Variants in PRKG1 observed in about 807,000 individuals in gnomAD.
PRKG1 encodes protein kinase cGMP-dependent 1.
A neutral mutation model predicts 88.1 loss-of-function variants in PRKG1; 35 were observed. The observed-to-expected ratio is 0.40, with a 90% CI of 0.30 to 0.53. The LOEUF (loss-of-function observed/expected upper bound fraction) is 0.53. Ranked by LOEUF, PRKG1 falls within the 20% of genes least tolerant of loss-of-function variation. PRKG1 has a pLI of 0.59. For synonymous variants in PRKG1, 303 were observed against 292.5 expected, an observed-to-expected ratio of 1.04 and a Z score of -0.37; for missense variants, 540 against 839.8, an observed-to-expected ratio of 0.64 and a Z score of 4.41.
intron 6 of PRKG1, among the ~76,000 whole-genome samples, chr10:52,056,798 A>T (rs946176185): frequency 1.3e-5 from 2 of 152,036 alleles, no homozygotes; most frequent in Non-Finnish European, 2.9e-5. Flanking sequence ...AATATTAATT[A>T]TATTAGTTCT....
intron 4 of PRKG1, among the ~76,000 whole-genome samples, chr10:51,844,072 G>T (rs1840343665): frequency 6.6e-6 from 1 of 152,062 alleles, no homozygotes; most frequent in Non-Finnish European, 1.5e-5. Context: ...TCAGAAATGA[G>T]TTTTTCTTGT....
intron 3 of PRKG1, among the ~76,000 whole-genome samples, chr10:51,645,712 C>T (rs2132304841): frequency 6.6e-6 from 1 of 152,088 alleles, no homozygotes; most frequent in Admixed American, 6.5e-5. Flanking sequence ...CATTATTTTC[C>T]CTTCAAAATT....
At chr10:51,456,255 C>A (rs1316084207) in intron 2 of PRKG1, among the ~76,000 whole-genome samples, 1 of 152,160 alleles carries the variant, frequency 6.6e-6, no homozygotes, top group East Asian at 1.9e-4. Context: ...ATTTAATTAT[C>A]TCCCACTAGG....
intron 5 of PRKG1, among the ~76,000 whole-genome samples, chr10:51,995,210 G>A (rs1007298986): frequency 2.0e-5 from 3 of 151,904 alleles, no homozygotes; most frequent in Non-Finnish European, 2.9e-5. Context: ...TGGGACCACC[G>A]AAACCATTCT....
intron 2 of PRKG1, among the ~76,000 whole-genome samples, chr10:51,290,700 A>C (rs890078033): frequency 6.6e-6 from 1 of 152,098 alleles, no homozygotes; most frequent in Non-Finnish European, 1.5e-5. Context: ...ACCCCGGTAA[A>C]TGTGGGATTA....
chr10:51,507,861 C>T (rs1231496450), intron 3 of PRKG1, among the ~76,000 whole-genome samples: 1 of 152,120 alleles, frequency 6.6e-6, no homozygotes, highest in Non-Finnish European at 1.5e-5. Context: ...CTATAGCTTA[C>T]AGTTTATTCT....
intron 9 of PRKG1, among the ~76,000 whole-genome samples, chr10:52,211,773 G>A (rs751985115): frequency 1.2e-4 from 18 of 150,956 alleles, no homozygotes; most frequent in Admixed American, 4.0e-4. Flanking sequence ...ATGTTACTAC[G>A]GAAAGTGGAA....
chr10:51,820,072 C>T (rs926646942), intron 4 of PRKG1, among the ~76,000 whole-genome samples: 2 of 151,778 alleles, frequency 1.3e-5, no homozygotes, highest in Non-Finnish European at 2.9e-5. Flanking sequence ...TTATAGAAAC[C>T]GAAAAGACAA....
intron 3 of PRKG1, among the ~76,000 whole-genome samples, chr10:51,536,274 C>G (rs746093223): frequency 2.0e-5 from 3 of 152,152 alleles, no homozygotes; most frequent in Non-Finnish European, 2.9e-5. Flanking sequence ...AAATTTTTGA[C>G]TTACATTTCC....
intron 2 of PRKG1, among the ~76,000 whole-genome samples, chr10:51,325,599 C>T (rs1258282115): frequency 6.6e-6 from 1 of 152,172 alleles, no homozygotes; most frequent in African/African-American, 2.4e-5. Context: ...ATTTGCTATG[C>T]AGAAGCTTTT....
intron 7 of PRKG1, among the ~76,000 whole-genome samples, chr10:52,083,049 A>G (rs1478782893): frequency 2.0e-5 from 3 of 152,204 alleles, no homozygotes; most frequent in Non-Finnish European, 4.4e-5. Context: ...GTGAGGGGAT[A>G]TGGAAGAAAA....
At chr10:51,537,876 G>A (rs1296748077) in intron 3 of PRKG1, among the ~76,000 whole-genome samples, 2 of 152,058 alleles carry the variant, frequency 1.3e-5, no homozygotes, top group African/African-American at 4.8e-5. Context: ...AACAAGAACA[G>A]TACACTTTGA....
rs1055575723 is a variant in PRKG1, at chr10:51,742,282, C to G, written c.593-62303C>G. ...TGATTATATGGCCTTGGGCAAATTA[C>G]TTAATATCTGAGGACCTGCTTCCAT... On this transcript the variant is annotated intron_variant, in intron 3 of 17. Transcript: ENST00000373980. 4.6e-5 allele frequency among the ~76,000 whole-genome samples: 7 copies of G among 152,132 alleles called. No homozygotes were observed. The East Asian group carries it at 1.2e-3, about 25-fold the overall frequency.
At chr10:51,359,827 G>T (rs1842441494) in intron 2 of PRKG1, among the ~76,000 whole-genome samples, 1 of 151,882 alleles carries the variant, frequency 6.6e-6, no homozygotes, top group Non-Finnish European at 1.5e-5. Flanking sequence ...TACTTTTGAT[G>T]ATCAAAATAA....
intron 3 of PRKG1, among the ~76,000 whole-genome samples, chr10:51,711,772 A>C (rs974181935): frequency 1.4e-4 from 21 of 152,196 alleles, no homozygotes; most frequent in African/African-American, 5.1e-4. Context: ...GATTGTTGGA[A>C]AAGTTAAATT....
At chr10:52,132,393 G>A (rs985251188) in intron 7 of PRKG1, among the ~76,000 whole-genome samples, 1 of 151,972 alleles carries the variant, frequency 6.6e-6, no homozygotes, top group African/African-American at 2.4e-5. Flanking sequence ...TCTGAAAAAA[G>A]GATTTTAGTA....
chr10:51,074,366 T>C (rs1023757791), upstream of PRKG1: 12 of 1,215,918 alleles, frequency 9.9e-6, no homozygotes, highest in Admixed American at 1.2e-4. Context: ...CTCCCCGCTC[T>C]GAGCCTCACA....
chr10:51,729,919 G>A (rs1021674475), intron 3 of PRKG1, among the ~76,000 whole-genome samples: 1 of 151,986 alleles, frequency 6.6e-6, no homozygotes, highest in African/African-American at 2.4e-5. Flanking sequence ...GATTTTTCAT[G>A]TACTCCCTGC....
chr10:51,195,659 A>G (rs181170064), intron 2 of PRKG1, among the ~76,000 whole-genome samples: 1 of 152,346 alleles, frequency 6.6e-6, no homozygotes, highest in East Asian at 1.9e-4. Context: ...TAAGGAAAAC[A>G]GATGATATCT....
Sources: allele counts gnomAD v4.1 joint callset (sites outside exome capture counted in the v4.1 genomes callset), GRCh38; gene constraint gnomAD v4.1.1; transcripts MANE v1.5; gene names NCBI Gene and HGNC (gene_info 2026-07-23, HGNC 2026-07-21).